The following TTLL9 variants were observed in gnomAD, a reference collection of about 807,000 sequenced individuals.
TTLL9 encodes probable tubulin polyglutamylase TTLL9.
A neutral mutation model predicts 65.6 loss-of-function variants in TTLL9; 47 were observed. That is an observed-to-expected ratio of 0.72 (90% CI 0.57 to 0.91). The LOEUF (loss-of-function observed/expected upper bound fraction) is 0.91, where lower values mean the gene tolerates loss of function less well. TTLL9 is among the 40% of genes least tolerant of loss of function. The pLI, the probability that TTLL9 is intolerant of heterozygous loss-of-function variation, is 0.00. For synonymous variants in TTLL9, 179 were observed against 204.8 expected (o/e 0.87, Z 1.07); for missense variants, 537 against 568.8 (o/e 0.94, Z 0.57).
chr20:31,884,752 T>C (rs1156237341), intron 2 of TTLL9, among the ~76,000 whole-genome samples: 1 of 152,212 alleles, frequency 6.6e-6, no homozygotes, highest in Non-Finnish European at 1.5e-5. Context: ...CATTTAAGGA[T>C]CCTTATGATT....
intron 4 of TTLL9, among the ~76,000 whole-genome samples, chr20:31,899,650 AG>A (rs2063443854): frequency 6.6e-6 from 1 of 151,744 alleles, no homozygotes; most frequent in South Asian, 2.1e-4. Context: ...AAAAAGAGAG[AG>A]AGAGAAAGAA....
At chr20:31,933,579 A>AAAT (rs1281587184) in intron 10 of TTLL9, among the ~76,000 whole-genome samples, 2 of 152,172 alleles carry the variant, frequency 1.3e-5, no homozygotes, top group Non-Finnish European at 2.9e-5. Context: ...AAAGGTGGGG[A>AAAT]AATAGGCCCA....
chr20:31,926,220 A>G, intron 10 of TTLL9, 129 bp downstream of exon 10: 1 of 679,100 alleles, frequency 1.5e-6, no homozygotes, highest in Non-Finnish European at 2.7e-6. Flanking sequence ...TTTTGGTGCT[A>G]TGCCTAACAT....
intron 9 of TTLL9, 147 bp from the exon 10 acceptor site, chr20:31,925,902 G>A (rs2063896035): frequency 6.4e-7 from 1 of 1,551,886 alleles, no homozygotes; most frequent in African/African-American, 1.4e-5. Context: ...GGCTCTACCG[G>A]GATGGCTTTG....
At chr20:31,873,843 AG>A (rs1555800297) in intron 2 of TTLL9, among the ~76,000 whole-genome samples, 1 of 140,348 alleles carries the variant, frequency 7.1e-6, no homozygotes, top group Non-Finnish European at 1.5e-5. Context: ...AAAGAAAGAA[AG>A]AAAGAAAGAA....
At position 31,933,799 on chromosome 20, in the gene TTLL9, G is replaced by C. The variant is rs183276502; in HGVS notation, c.749-1G>C. The C allele has an allele frequency of 1.5e-4, 243 of 1,614,024 alleles. No individual in the cohort carries two copies. In the Middle Eastern group the frequency reaches 6.8e-3, roughly 45 times the overall value. On this transcript the variant is annotated splice_acceptor_variant, in intron 10 of 14. Coordinates refer to ENST00000535842, the MANE Select transcript of TTLL9 (RefSeq NM_001008409.5). LOFTEE classifies it high-confidence loss of function. The stretch of plus-strand genomic sequence containing the variant: ...GACCCTTGACCACCACCCTCTCCCA[G>C]ATGTTCACCTCACCAACGTGGCTGT...
intron 2 of TTLL9, among the ~76,000 whole-genome samples, 177 bp downstream of exon 2, chr20:31,871,372 C>T (rs1311959463): frequency 6.6e-6 from 1 of 152,182 alleles, no homozygotes; most frequent in Non-Finnish European, 1.5e-5. Flanking sequence ...CCCAGCTAAC[C>T]CTATCTGTGT....
chr20:31,884,034 A>G (rs1258213863), intron 2 of TTLL9: 1 of 535,006 alleles, frequency 1.9e-6, no homozygotes, highest in Non-Finnish European at 3.4e-6. Flanking sequence ...ACATCATTGT[A>G]TCCAGAGAAA....
chr20:31,902,820 G>C (rs923917157), intron 4 of TTLL9, among the ~76,000 whole-genome samples: 16 of 151,986 alleles, frequency 1.1e-4, no homozygotes, highest in African/African-American at 3.9e-4. Flanking sequence ...TGAGGGTGCC[G>C]ATTTTTCCAC....
intron 4 of TTLL9, among the ~76,000 whole-genome samples, chr20:31,907,584 G>C (rs937039837): frequency 7.9e-5 from 12 of 152,086 alleles, no homozygotes; most frequent in Non-Finnish European, 1.8e-4. Context: ...AGCCAGTTGC[G>C]GTGGTGGGCA....
At chr20:31,916,630 G>A (rs896481726) in intron 6 of TTLL9, among the ~76,000 whole-genome samples, 2 of 152,160 alleles carry the variant, frequency 1.3e-5, no homozygotes, top group African/African-American at 2.4e-5. Context: ...TAGAGGCCCA[G>A]GCTCCTTCTC....
chr20:31,879,872 G>A, intron 2 of TTLL9: 2 of 1,550,434 alleles, frequency 1.3e-6, no homozygotes, highest in South Asian at 1.2e-5. Context: ...TGGCCCCTGG[G>A]GAATCGCGTT....
chr20:31,925,158 T>TA (rs2063879172), intron 9 of TTLL9, 109 bp downstream of exon 9: 1 of 1,200,160 alleles, frequency 8.3e-7, no homozygotes, highest in African/African-American at 1.5e-5. Context: ...TGTCTGGTTT[T>TA]ATCTCTCCCT....
chr20:31,907,598 G>A lies in TTLL9; in HGVS notation c.207-993G>A, dbSNP rs571400501. Among the ~76,000 whole-genome samples, 8 of 152,096 alleles carry A rather than the reference G, an allele frequency of 5.3e-5. No individual in the cohort carries two copies. In the East Asian group the frequency reaches 1.4e-3, roughly 26 times the overall value. ...TAGCCAGTTGCGGTGGTGGGCACCT[G>A]TAATCCCAGCTACTCGGGAGGCTGA... On this transcript the variant is annotated intron_variant, in intron 4 of 14. Transcript: ENST00000535842.
chr20:31,879,781 G>A, intron 2 of TTLL9: 1 of 1,540,524 alleles, frequency 6.5e-7, no homozygotes, highest in African/African-American at 1.4e-5. Flanking sequence ...CATCCAATCA[G>A]AGCGGCGGAT....
Position 31,943,654 on chromosome 20 carries a change from G to T in TTLL9, c.*633G>T. 2.2e-6 allele frequency: 1 copy of T among 449,548 alleles called. No individual in the cohort carries two copies. Among genetic ancestry groups the T allele is most frequent in the Middle Eastern group, 3.3e-4 (1 of 2,990 alleles). The allele number at this position is 449,548 out of a possible 1,614,324, so 27.8% of individuals were successfully genotyped here. ...CATCATCTGAAAACCAGTGGGACAG[G>T]GCATCCCCATTTCTCAGATGGACAA... On this transcript the variant is annotated 3_prime_UTR_variant, in exon 15 of 15. Transcript: ENST00000535842.
At chr20:31,900,095 C>T (rs943048492) in intron 4 of TTLL9, among the ~76,000 whole-genome samples, 4 of 152,126 alleles carry the variant, frequency 2.6e-5, no homozygotes, top group Non-Finnish European at 5.9e-5. Context: ...CAGGGAAATA[C>T]AGGCTACATT....
At chr20:31,938,082 CCCT>C in intron 13 of TTLL9, 1 of 187,290 alleles carries the variant, frequency 5.3e-6, no homozygotes, top group Non-Finnish European at 1.1e-5. Context: ...CTCTCCCTCT[CCCT>C]CCCTCCCTCT....
intron 10 of TTLL9, among the ~76,000 whole-genome samples, chr20:31,933,474 G>A (rs951519662): frequency 3.3e-5 from 5 of 151,970 alleles, no homozygotes; most frequent in South Asian, 2.1e-4. Context: ...AAGAAAAACC[G>A]TAGTATAATA....
Sources: gnomAD v4.1 joint callset for allele counts (sites outside exome capture counted in the v4.1 genomes callset) on GRCh38, gnomAD v4.1.1 for gene constraint, MANE v1.5 for transcripts, NCBI Gene and HGNC (gene_info 2026-07-23, HGNC 2026-07-21) for gene names.